CTSB: variants seen among roughly 807,000 people sequenced by gnomAD.
The protein encoded by CTSB is cathepsin B.
A neutral mutation model predicts 44.3 loss-of-function variants in CTSB; 57 were observed. The ratio of observed to expected loss-of-function variants is 1.29; its 90% confidence interval spans 1.04 to 1.60. The LOEUF is 1.60. Ranked by LOEUF, CTSB falls within the 40% of genes most tolerant of loss-of-function variation. CTSB has a pLI of 0.00. For missense variants in CTSB, 768 were observed against 443.0 expected (o/e 1.73, Z -6.59); for synonymous variants, 320 against 168.0 (o/e 1.91, Z -7.00).
Position 11,847,664 on chromosome 8 carries a change from C to A in CTSB, c.676+15G>T. 6.7e-7 allele frequency: 1 copy of A among 1,502,308 alleles called. No individual in the cohort carries two copies. Among genetic ancestry groups the A allele is most frequent in the South Asian group, 1.3e-5 (1 of 76,230 alleles). The allele number at this position is 1,502,308 out of a possible 1,614,324, so 93.1% of individuals were successfully genotyped here. A position where few individuals can be genotyped will look rare whatever the true frequency, so the allele number is the denominator to read the frequency against. On this transcript the variant is annotated intron_variant, in intron 7 of 9. Coordinates refer to ENST00000353047, the MANE Select transcript of CTSB (RefSeq NM_001908.5). ...AGCCTCCACGTGCGCCGTGGCCAGG[C>A]CCCAGGCCCCTTACCGTAGTGCTTG...
chr8:11,845,836 A>C, intron 8 of CTSB, 47 bp from the exon 9 acceptor site: 3 of 1,563,176 alleles, frequency 1.9e-6, no homozygotes, highest in Non-Finnish European at 2.6e-6. Context: ...CCACTGTCCC[A>C]CGCCCCACAG....
intron 1 of CTSB, among the ~76,000 whole-genome samples, chr8:11,854,087 T>C (rs1815095424): frequency 6.6e-6 from 1 of 152,172 alleles, no homozygotes; most frequent in Non-Finnish European, 1.5e-5. Flanking sequence ...AACTCTCACC[T>C]CGATGCCCCA....
At chr8:11,859,929 C>T (rs973295563) in intron 1 of CTSB, among the ~76,000 whole-genome samples, 4 of 151,548 alleles carry the variant, frequency 2.6e-5, no homozygotes, top group Admixed American at 1.3e-4. Flanking sequence ...AAAACTCAGC[C>T]GGGCATGGTG....
chr8:11,865,706 C>G (rs1006967002), intron 1 of CTSB: 2 of 151,548 alleles, frequency 1.3e-5, no homozygotes, highest in African/African-American at 4.9e-5. Context: ...CAACTCATTA[C>G]CAGATTTAAG....
At chr8:11,863,150 A>G (rs545895441) in intron 1 of CTSB, among the ~76,000 whole-genome samples, 2 of 152,312 alleles carry the variant, frequency 1.3e-5, no homozygotes, top group Admixed American at 6.5e-5. Flanking sequence ...GTCTCTATAT[A>G]GAAAATTAAA....
chr8:11,867,039 TAGG>T (rs1221350119), intron 1 of CTSB, among the ~76,000 whole-genome samples: 3 of 152,244 alleles, frequency 2.0e-5, no homozygotes, highest in South Asian at 2.1e-4. Flanking sequence ...TCTCGTCCGT[TAGG>T]AGGAGGAGTG....
At chr8:11,866,499 C>G (rs1817172987) in intron 1 of CTSB, among the ~76,000 whole-genome samples, 1 of 152,256 alleles carries the variant, frequency 6.6e-6, no homozygotes, top group Non-Finnish European at 1.5e-5. Flanking sequence ...TTGACTCTGT[C>G]TTTGGGAAAG....
At chr8:11,846,915 AAGGCCCCACAC>A in intron 8 of CTSB, 126 bp downstream of exon 8, 1 of 656,950 alleles carries the variant, frequency 1.5e-6, no homozygotes. Flanking sequence ...GCCTATATGG[AAGGCCCCACAC>A]AGCCCTCTTC....
At position 11,845,118 on chromosome 8, in the gene CTSB, C is replaced by T. The variant is rs373692462; in HGVS notation, c.*7G>A. The T allele has an allele frequency of 1.9e-5, 30 of 1,603,796 alleles. No homozygotes were observed. The highest frequency in any genetic ancestry group is 6.7e-5 in the Admixed American group (4 of 59,968). ...CCCCAGGACTGGCACGACAGGCCCA[C>T]GGCAGATTAGATCTTTTCCCAGTAC... is the stretch of plus-strand genomic sequence containing the variant. On this transcript the variant is annotated 3_prime_UTR_variant, in exon 10 of 10. Transcript: ENST00000353047.
intron 1 of CTSB, among the ~76,000 whole-genome samples, chr8:11,855,159 T>C (rs1363112193): frequency 6.6e-6 from 1 of 152,142 alleles, no homozygotes; most frequent in Non-Finnish European, 1.5e-5. Context: ...AGCAGCGGGA[T>C]TACAGGCATG....
intron 1 of CTSB, among the ~76,000 whole-genome samples, chr8:11,855,093 G>A: frequency 6.6e-6 from 1 of 152,150 alleles, no homozygotes. Context: ...CATGATCTCG[G>A]CTCACTGCAA....
intron 2 of CTSB, 59 bp downstream of exon 2, chr8:11,853,270 T>A (rs1814926926): frequency 6.3e-7 from 1 of 1,584,504 alleles, no homozygotes; most frequent in African/African-American, 1.4e-5. Context: ...ATTCCTGGAG[T>A]CAGTGTGCAC....
chr8:11,846,028 C>T (rs955245345), intron 8 of CTSB: 1 of 358,742 alleles, frequency 2.8e-6, no homozygotes, highest in Non-Finnish European at 5.0e-6. Flanking sequence ...ACAAAATGTG[C>T]TTGTTGGCTT....
chr8:11,860,281 G>A (rs780045252), intron 1 of CTSB, among the ~76,000 whole-genome samples: 4 of 152,100 alleles, frequency 2.6e-5, no homozygotes, highest in African/African-American at 4.8e-5. Context: ...TTCCTCATTC[G>A]TTGGTGCTGT....
At chr8:11,859,300 G>A (rs1051517055) in intron 1 of CTSB, among the ~76,000 whole-genome samples, 6 of 152,046 alleles carry the variant, frequency 3.9e-5, no homozygotes, top group Non-Finnish European at 5.9e-5. Flanking sequence ...CCCGGCAAAC[G>A]GCACCCTAGA....
chr8:11,846,011 G>C (rs928649102), intron 8 of CTSB: 3 of 394,862 alleles, frequency 7.6e-6, no homozygotes, highest in African/African-American at 4.2e-5. Context: ...TATTGAAATA[G>C]ATTCCTACAA....
At position 11,842,630 on chromosome 8, in the gene CTSB, T is replaced by G. The variant is rs1361452731; in HGVS notation, c.*2495A>C. ...CTTATGGTAACCTTTGTTAAGCATC[T>G]TTCTTTTTCTTTTTTTTTTTGGTGA... On this transcript the variant is annotated 3_prime_UTR_variant, in exon 10 of 10. Coordinates refer to ENST00000353047, the MANE Select transcript of CTSB (RefSeq NM_001908.5). 1.3e-5 allele frequency: 2 copies of G among 152,020 alleles called. No homozygotes were observed. Among genetic ancestry groups the G allele is most frequent in the African/African-American group, 4.8e-5 (2 of 41,366 alleles). 9.4% of individuals were successfully genotyped at this position (152,020 alleles called of 1,614,324 possible).
chr8:11,848,494 A>C (rs773613218), intron 5 of CTSB: 5 of 402,428 alleles, frequency 1.2e-5, no homozygotes, highest in South Asian at 2.1e-5. Context: ...GTACTTAAAA[A>C]CACCACCAGT....
chr8:11,864,220 A>T (rs1211565046), intron 1 of CTSB, among the ~76,000 whole-genome samples: 2 of 149,658 alleles, frequency 1.3e-5, no homozygotes, highest in African/African-American at 4.9e-5. Context: ...TTGTAATCCC[A>T]GCATTTGGAA....
Sources: allele counts gnomAD v4.1 joint callset (sites outside exome capture counted in the v4.1 genomes callset), GRCh38; gene constraint gnomAD v4.1.1; transcripts MANE v1.5; gene names NCBI Gene and HGNC (gene_info 2026-07-23, HGNC 2026-07-21).